Variants in DPP10 observed in about 807,000 individuals in gnomAD.
The protein encoded by DPP10 is dipeptidyl peptidase like 10, also known as inactive dipeptidyl peptidase 10.
DPP10 carries 33 observed loss-of-function variants against 120.9 expected under a neutral mutation model. That is an observed-to-expected ratio of 0.27 (90% CI 0.21 to 0.37). The LOEUF (loss-of-function observed/expected upper bound fraction) is 0.37. DPP10 is among the 10% of genes least tolerant of loss of function. The pLI is 1.00. For synonymous variants in DPP10, 337 were observed against 326.1 expected (o/e 1.03, Z -0.36); for missense variants, 816 against 942.8 (o/e 0.87, Z 1.76).
intron 1 of DPP10, among the ~76,000 whole-genome samples, chr2:114,452,366 G>C (rs964224576): frequency 6.6e-6 from 1 of 152,098 alleles, no homozygotes; most frequent in Non-Finnish European, 1.5e-5. Context: ...GTGGTCGGGG[G>C]TGATCTCTCT....
chr2:115,617,053 G>T (rs1333468177), intron 5 of DPP10, among the ~76,000 whole-genome samples: 3 of 125,394 alleles, frequency 2.4e-5, no homozygotes, highest in Non-Finnish European at 4.9e-5. Flanking sequence ...ATTCAGTCTT[G>T]ATTCATTGAT....
chr2:115,691,980 C>A (rs2091343618), intron 7 of DPP10, among the ~76,000 whole-genome samples: 1 of 152,090 alleles, frequency 6.6e-6, no homozygotes, highest in East Asian at 1.9e-4. Flanking sequence ...TATATATCAA[C>A]CTTGCTACGC....
chr2:115,277,741 A>G (rs2059978779), intron 1 of DPP10, among the ~76,000 whole-genome samples: 1 of 152,094 alleles, frequency 6.6e-6, no homozygotes, highest in Non-Finnish European at 1.5e-5. Context: ...TTCTTTCTAA[A>G]TAAATTAAAG....
intron 13 of DPP10, among the ~76,000 whole-genome samples, 162 bp from the exon 14 acceptor site, chr2:115,777,046 G>A (rs954831567): frequency 6.6e-6 from 1 of 152,044 alleles, no homozygotes; most frequent in African/African-American, 2.4e-5. Flanking sequence ...CTTGATCTGT[G>A]TTTATAGGAA....
At chr2:115,249,444 A>C (rs1174538814) in intron 1 of DPP10, among the ~76,000 whole-genome samples, 2 of 152,126 alleles carry the variant, frequency 1.3e-5, no homozygotes, top group African/African-American at 2.4e-5. Flanking sequence ...ATGAACATAG[A>C]ATGCATGGCC....
At chr2:114,765,030 T>C (rs560302017) in intron 1 of DPP10, among the ~76,000 whole-genome samples, 2 of 152,296 alleles carry the variant, frequency 1.3e-5, no homozygotes, top group African/African-American at 4.8e-5. Flanking sequence ...TTCAAATGAT[T>C]GGTCCATATT....
intron 1 of DPP10, among the ~76,000 whole-genome samples, chr2:114,639,635 C>G (rs538875935): frequency 6.6e-6 from 1 of 151,686 alleles, no homozygotes; most frequent in Non-Finnish European, 1.5e-5. Flanking sequence ...CACATGTACC[C>G]CTTTATCTAA....
intron 1 of DPP10, among the ~76,000 whole-genome samples, chr2:115,166,578 ATAT>A (rs1326412224): frequency 2.0e-4 from 30 of 147,188 alleles, no homozygotes; most frequent in Admixed American, 4.8e-4. Flanking sequence ...TATAATATAA[ATAT>A]TATATATAAG....
At chr2:115,597,862 G>A (rs574900727) in intron 5 of DPP10, among the ~76,000 whole-genome samples, 2 of 151,884 alleles carry the variant, frequency 1.3e-5, no homozygotes, top group Admixed American at 6.6e-5. Context: ...CAATGGTTGA[G>A]AGAAAGTGTT....
chr2:115,606,156 G>A (rs1270816805), intron 5 of DPP10, among the ~76,000 whole-genome samples: 1 of 151,894 alleles, frequency 6.6e-6, no homozygotes, highest in African/African-American at 2.4e-5. Flanking sequence ...TTATTTTATT[G>A]TCTAAAAATA....
chr2:114,612,912 AT>A (rs925794462), intron 1 of DPP10, among the ~76,000 whole-genome samples: 1 of 152,190 alleles, frequency 6.6e-6, no homozygotes, highest in Admixed American at 6.5e-5. Flanking sequence ...GCTACCTGTT[AT>A]TTTTACAAAA....
At chr2:115,383,128 A>G (rs1044754255) in intron 3 of DPP10, among the ~76,000 whole-genome samples, 2 of 152,252 alleles carry the variant, frequency 1.3e-5, no homozygotes, top group African/African-American at 4.8e-5. Context: ...TTCAGATTAA[A>G]GAATCACACT....
chr2:115,496,313 C>T (rs1208422354), intron 3 of DPP10, among the ~76,000 whole-genome samples: 2 of 151,998 alleles, frequency 1.3e-5, no homozygotes, highest in African/African-American at 4.8e-5. Context: ...CCTATTAATG[C>T]AACATTGAGA....
intron 1 of DPP10, among the ~76,000 whole-genome samples, chr2:114,958,383 T>TA (rs1698366084): frequency 2.0e-5 from 3 of 152,128 alleles, no homozygotes; most frequent in Non-Finnish European, 4.4e-5. Context: ...ACGTACCGAG[T>TA]CCTTCTCAGG....
intron 1 of DPP10, among the ~76,000 whole-genome samples, chr2:115,147,212 C>A (rs1004720942): frequency 3.5e-4 from 53 of 150,762 alleles, no homozygotes; most frequent in African/African-American, 1.2e-3. Context: ...TATGCTATAC[C>A]ATAGTATACC....
At chr2:115,028,803 A>T (rs1352117705) in intron 1 of DPP10, among the ~76,000 whole-genome samples, 1 of 151,946 alleles carries the variant, frequency 6.6e-6, no homozygotes, top group African/African-American at 2.4e-5. Flanking sequence ...CTTTATCTTT[A>T]TATTCTGACT....
chr2:115,651,687 CCATA>C (rs2087791302), intron 5 of DPP10, among the ~76,000 whole-genome samples: 1 of 151,920 alleles, frequency 6.6e-6, no homozygotes, highest in Non-Finnish European at 1.5e-5. Context: ...TTTGATCATA[CCATA>C]TGGGGACTGG....
At chr2:115,380,581 T>C (rs1324053440) in intron 3 of DPP10, among the ~76,000 whole-genome samples, 6 of 151,912 alleles carry the variant, frequency 3.9e-5, no homozygotes, top group African/African-American at 1.5e-4. Flanking sequence ...ATGTGTGAAT[T>C]TGATCCTGTC....
chr2:115,224,666 T>C (rs191498790), intron 1 of DPP10, among the ~76,000 whole-genome samples: 23 of 152,348 alleles, frequency 1.5e-4, no homozygotes, highest in African/African-American at 5.3e-4. Flanking sequence ...CAGTAATTTT[T>C]AAGTGTTCTC....
Sources: allele counts gnomAD v4.1 joint callset (sites outside exome capture counted in the v4.1 genomes callset), GRCh38; gene constraint gnomAD v4.1.1; transcripts MANE v1.5; gene names NCBI Gene and HGNC (gene_info 2026-07-23, HGNC 2026-07-21).